Variants in ZNF541 observed in about 807,000 individuals in gnomAD.
The protein encoded by ZNF541 is zinc finger protein 541.
Under a neutral mutation model 123.5 loss-of-function variants are expected in ZNF541, and 23 were observed. The observed-to-expected ratio is 0.19, with a 90% CI of 0.13 to 0.26. The LOEUF (loss-of-function observed/expected upper bound fraction) is 0.26. ZNF541 is among the 10% of genes least tolerant of loss of function. The pLI is 1.00. For missense variants in ZNF541, 1,612 were observed against 1,789.9 expected (o/e 0.90, Z 1.79); for synonymous variants, 751 against 754.5 (o/e 1.00, Z 0.08).
chr19:47,560,441 T>G (rs1203633196), intron 2 of ZNF541, among the ~76,000 whole-genome samples: 1 of 152,004 alleles, frequency 6.6e-6, no homozygotes, highest in East Asian at 1.9e-4. Flanking sequence ...CTGGGCATGG[T>G]GGCAGGTGCC....
Position 47,566,638 on chromosome 19 carries a change from C to G in ZNF541, c.-99+5258G>C, listed in dbSNP as rs139190694. 6.9e-3 allele frequency among the ~76,000 whole-genome samples: 1,049 copies of G among 152,134 alleles called. 16 individuals are homozygous for G. The highest frequency in any genetic ancestry group is 0.024 in the African/African-American group (1,003 of 41,468). ...GCACTCACCTGTAGTACCAGCTACT[C>G]AGGAGGCTGAGGCAGGAGAATTGCT... On this transcript the variant is annotated intron_variant, in intron 2 of 16. Coordinates refer to ENST00000391901, the MANE Select transcript of ZNF541 (RefSeq NM_001277075.3).
intron 3 of ZNF541, among the ~76,000 whole-genome samples, chr19:47,550,930 C>T (rs1026702951): frequency 3.3e-5 from 5 of 152,196 alleles, no homozygotes; most frequent in Middle Eastern, 3.4e-3. Flanking sequence ...TTCTCAGATG[C>T]GAGAGTTCCC....
intron 4 of ZNF541, among the ~76,000 whole-genome samples, chr19:47,546,811 C>G (rs992744193): frequency 9.9e-5 from 15 of 152,154 alleles, no homozygotes; most frequent in African/African-American, 3.4e-4. Context: ...AACTCTGCCC[C>G]CCAGGTTCAA....
At position 47,544,093 on chromosome 19, in the gene ZNF541, C is replaced by T. The variant is rs1970197093; in HGVS notation, c.2403+33G>A. On this transcript the variant is annotated intron_variant, in intron 5 of 16. Coordinates refer to ENST00000391901, the MANE Select transcript of ZNF541 (RefSeq NM_001277075.3). ...ACAAATGCAAAGGAAACTCACTCCACTCTGGTCAGGCCACGTGAGAGAGAG... is the reference window on the plus strand; with the variant it reads ...ACAAATGCAAAGGAAACTCACTCCATTCTGGTCAGGCCACGTGAGAGAGAG... 3 of 1,510,268 alleles carry T rather than the reference C, an allele frequency of 2.0e-6. No individual in the cohort carries two copies. In the African/African-American group the frequency reaches 4.2e-5, roughly 21 times the overall value. The allele number at this position is 1,510,268 out of a possible 1,614,324, so 93.6% of individuals were successfully genotyped here.
intron 4 of ZNF541, among the ~76,000 whole-genome samples, chr19:47,546,306 G>C (rs1423680350): frequency 6.6e-6 from 1 of 151,440 alleles, no homozygotes; most frequent in African/African-American, 2.4e-5. Context: ...TCAGGAGTTT[G>C]AGACCAGCCT....
intron 14 of ZNF541, among the ~76,000 whole-genome samples, chr19:47,525,809 G>A (rs1969262542): frequency 1.3e-5 from 2 of 151,898 alleles, no homozygotes; most frequent in East Asian, 1.9e-4. Context: ...GCAGCTACTC[G>A]GGAGGCTGAG....
Position 47,521,221 on chromosome 19 carries a change from G to A in ZNF541, c.*3C>T. 5.8e-6 allele frequency: 9 copies of A among 1,551,016 alleles called. No individual in the cohort carries two copies. The highest frequency in any genetic ancestry group is 7.8e-6 in the Non-Finnish European group (9 of 1,146,594). On this transcript the variant is annotated 3_prime_UTR_variant, in exon 17 of 17. Transcript: ENST00000391901. This position sits in a 1 kb window ranked among gnomAD's most constrained non-coding sequence, Gnocchi z 4.2. Reference sequence around the variant, plus strand: ...GCCCCATTCGGACTTGCTGCCACGGGAGTCACCACTGCAGGGGGCCGATGT... The same window carrying A: ...GCCCCATTCGGACTTGCTGCCACGGAAGTCACCACTGCAGGGGGCCGATGT...
Position 47,521,652 on chromosome 19 carries a change from G to A in ZNF541, c.3714C>T (p.Val1238=), listed in dbSNP as rs116454233. The A allele has an allele frequency of 5.5e-4, 852 of 1,551,602 alleles. 3 individuals are homozygous for A. The African/African-American group carries it at 9.7e-3, about 18-fold the overall frequency. ...PEEVERTEEK[V]PCSPRERPSH... ...TGGGTCTCTCCCGAGGGCTGCATGG[G>A]ACCTGCAGAGGGAGCAAAAGTGACA... The change falls in exon 16 of 17, where the codon GTC becomes GTT. Residue 1238 remains valine (V), a splice_region_variant and synonymous_variant. Transcript: ENST00000391901. This position sits in a 1 kb window ranked among gnomAD's most constrained non-coding sequence, Gnocchi z 4.2.
At chr19:47,542,881 T>C (rs1970143289) in intron 5 of ZNF541, among the ~76,000 whole-genome samples, 1 of 151,306 alleles carries the variant, frequency 6.6e-6, no homozygotes, top group South Asian at 2.1e-4. Context: ...GAGGCGGAGG[T>C]TGCAATGAGC....
chr19:47,525,824 G>A lies in ZNF541; in HGVS notation c.3570+3126C>T, dbSNP rs370268859. ...GCAGCTACTCGGGAGGCTGAGGCAGGAGAATGGCATGAACCTGGAAGGCGT... is the reference window on the plus strand; with the variant it reads ...GCAGCTACTCGGGAGGCTGAGGCAGAAGAATGGCATGAACCTGGAAGGCGT... On this transcript the variant is annotated intron_variant, in intron 14 of 16. Coordinates refer to ENST00000391901, the MANE Select transcript of ZNF541 (RefSeq NM_001277075.3). Among the ~76,000 whole-genome samples the A allele has an allele frequency of 2.7e-5, 4 of 150,690 alleles. No homozygotes were observed. The East Asian group carries it at 6.0e-4, about 23-fold the overall frequency.
At chr19:47,528,820 C>T (rs1207279132) in intron 14 of ZNF541, 130 bp downstream of exon 14, 1 of 660,566 alleles carries the variant, frequency 1.5e-6, no homozygotes, top group African/African-American at 1.8e-5. Context: ...ACATTGTAAA[C>T]TGTCTACAGT....
intron 3 of ZNF541, among the ~76,000 whole-genome samples, chr19:47,551,934 T>C (rs899467431): frequency 7.9e-5 from 12 of 152,210 alleles, no homozygotes; most frequent in Admixed American, 3.3e-4. Context: ...CTTGGCTCAC[T>C]GCAACCTCTG....
intron 2 of ZNF541, among the ~76,000 whole-genome samples, chr19:47,570,556 G>A (rs1206613438): frequency 2.6e-4 from 33 of 127,224 alleles, no homozygotes; most frequent in Non-Finnish European, 4.8e-4. Flanking sequence ...CAGTCTGGGC[G>A]ACAGAGCAAG....
intron 2 of ZNF541, among the ~76,000 whole-genome samples, chr19:47,568,299 A>T (rs537447093): frequency 6.6e-6 from 1 of 152,276 alleles, no homozygotes; most frequent in Admixed American, 6.5e-5. Flanking sequence ...GGAGTTGAGC[A>T]GACAGACTTG....
intron 6 of ZNF541, among the ~76,000 whole-genome samples, 174 bp downstream of exon 6, chr19:47,540,719 C>T (rs138317805): frequency 0.014 from 2,117 of 152,292 alleles, 32 homozygotes; most frequent in Middle Eastern, 0.054. Flanking sequence ...GGATTACAGG[C>T]GTGAGCCACC....
intron 2 of ZNF541, among the ~76,000 whole-genome samples, chr19:47,571,569 C>CT: frequency 6.6e-6 from 1 of 152,336 alleles, no homozygotes; most frequent in Admixed American, 6.5e-5. Context: ...GACATACAAT[C>CT]TTTGCTTCAC....
chr19:47,544,720 T>C lies in ZNF541; in HGVS notation c.1809A>G (p.Pro603=). The change falls in exon 5 of 17, where the codon CCA becomes CCG. Residue 603 remains proline (P), a synonymous_variant. Transcript: ENST00000391901. ...GGAGAGAGTCCACAGCAGGAGCCAG[T>C]GGTGGGGGCTGCTGCGGCCACGGCC... ...LQGPWPQQPP[P]LAPAVDSLHA... 1.3e-6 allele frequency: 2 copies of C among 1,503,748 alleles called. No homozygotes were observed. The highest frequency in any genetic ancestry group is 1.3e-5 in the South Asian group (1 of 78,594). The allele number at this position is 1,503,748 out of a possible 1,614,324, so 93.2% of individuals were successfully genotyped here.
chr19:47,536,279 G>A (rs536227423), intron 9 of ZNF541, among the ~76,000 whole-genome samples: 5 of 152,228 alleles, frequency 3.3e-5, no homozygotes, highest in African/African-American at 9.6e-5. Flanking sequence ...GGCCAGTTTT[G>A]GGGCCAGTTT....
rs886957388 is a variant in ZNF541 at position 47,570,600 on chromosome 19, A to G, written c.-99+1296T>C. ...CTAAAAAAAAAAAAAAAAAAAAAAAAGCGCATTTTGTTTTTTTGTTTATAT... is the reference window on the plus strand; with the variant it reads ...CTAAAAAAAAAAAAAAAAAAAAAAAGGCGCATTTTGTTTTTTTGTTTATAT... On this transcript the variant is annotated intron_variant, in intron 2 of 16. Coordinates refer to ENST00000391901, the MANE Select transcript of ZNF541 (RefSeq NM_001277075.3). Among the ~76,000 whole-genome samples the G allele has an allele frequency of 3.3e-4, 43 of 130,488 alleles. 1 individual carries two copies. The highest frequency in any genetic ancestry group is 2.9e-3 in the Admixed American group (37 of 12,750). 85.6% of individuals were successfully genotyped at this position (130,488 alleles called of 152,430 possible).
Sources: allele counts gnomAD v4.1 joint callset (sites outside exome capture counted in the v4.1 genomes callset), GRCh38; gene constraint gnomAD v4.1.1; non-coding constraint Gnocchi (gnomAD v3.1); transcripts MANE v1.5; gene names NCBI Gene and HGNC (gene_info 2026-07-23, HGNC 2026-07-21).